The following TDRP variants were observed in gnomAD, a reference collection of about 807,000 sequenced individuals.
The protein encoded by TDRP is testis development-related protein.
In TDRP, 12 loss-of-function variants were observed where a neutral mutation model predicts 10.5. The observed-to-expected ratio is 1.15, with a 90% CI of 0.73 to 1.86. The LOEUF is 1.86. TDRP is among the 40% of genes most tolerant of loss of function. The pLI is 0.00. For missense variants in TDRP, 353 were observed against 229.2 expected, an observed-to-expected ratio of 1.54 and a Z score of -3.49; for synonymous variants, 139 against 95.4, an observed-to-expected ratio of 1.46 and a Z score of -2.67.
intron 1 of TDRP, among the ~76,000 whole-genome samples, chr8:512,388 G>A (rs974040633): frequency 9.9e-5 from 15 of 152,168 alleles, no homozygotes; most frequent in Middle Eastern, 3.4e-3. Context: ...AGCCAAGATC[G>A]TGCTGCTGCA....
intron 1 of TDRP, among the ~76,000 whole-genome samples, chr8:531,345 T>C (rs1209014941): frequency 1.3e-5 from 2 of 152,204 alleles, no homozygotes; most frequent in African/African-American, 2.4e-5. Context: ...ACCATTGTGC[T>C]GACATCAGAC....
At chr8:544,587 AC>A in intron 1 of TDRP, 62 bp downstream of exon 1, 1 of 1,102,924 alleles carries the variant, frequency 9.1e-7, no homozygotes, top group Non-Finnish European at 1.1e-6. Context: ...CGCGCCGCCC[AC>A]CCTCGCCCTC....
intron 1 of TDRP, among the ~76,000 whole-genome samples, chr8:499,187 C>CA (rs918398974): frequency 4.0e-5 from 6 of 151,756 alleles, no homozygotes; most frequent in Non-Finnish European, 5.9e-5. Context: ...AATAAGATGC[C>CA]AAAAAAATAG....
intron 2 of TDRP, among the ~76,000 whole-genome samples, chr8:493,872 T>A (rs1424999767): frequency 4.6e-5 from 7 of 152,106 alleles, no homozygotes; most frequent in African/African-American, 1.4e-4. Context: ...GTTCAATTTA[T>A]AATTCTAAGT....
chr8:490,640 T>A lies in TDRP; in HGVS notation c.*1759A>T, dbSNP rs1800942635. 1 of 152,254 alleles carries A rather than the reference T, an allele frequency of 6.6e-6. No homozygotes were observed. The highest frequency in any genetic ancestry group is 1.5e-5 in the Non-Finnish European group (1 of 68,046). 9.4% of individuals were successfully genotyped at this position (152,254 alleles called of 1,614,324 possible). ...GTCATGAAATGGTGTATGTTTTTAC[T>A]ATCCCAGCAAGCACTTCTCTAGGGA... On this transcript the variant is annotated 3_prime_UTR_variant, in exon 3 of 3. Transcript: ENST00000324079.
intron 1 of TDRP, among the ~76,000 whole-genome samples, chr8:517,393 C>G (rs922082776): frequency 6.6e-6 from 1 of 152,202 alleles, no homozygotes; most frequent in Non-Finnish European, 1.5e-5. Flanking sequence ...AACGAAGCAT[C>G]TGACACCGTT....
At chr8:526,003 G>C (rs1040100214) in intron 1 of TDRP, among the ~76,000 whole-genome samples, 1 of 152,032 alleles carries the variant, frequency 6.6e-6, no homozygotes, top group African/African-American at 2.4e-5. Flanking sequence ...TCAGGTTTTG[G>C]ATTTCTTCAT....
rs1025741475 is a variant in TDRP, at chr8:490,203, G to C, written c.*2196C>G. 5.3e-5 allele frequency: 8 copies of C among 152,004 alleles called. No homozygotes were observed. Among genetic ancestry groups the C allele is most frequent in the African/African-American group, 1.9e-4 (8 of 41,362 alleles). 9.4% of individuals were successfully genotyped at this position (152,004 alleles called of 1,614,324 possible). A position where few individuals can be genotyped will look rare whatever the true frequency, so the allele number is the denominator to read the frequency against. On this transcript the variant is annotated 3_prime_UTR_variant, in exon 3 of 3. Coordinates refer to ENST00000324079, the MANE Select transcript of TDRP (RefSeq NM_001384899.1). The stretch of plus-strand genomic sequence containing the variant: ...AAGAAAAGATAATTTTTCTCCCAAA[G>C]CACACCAATAAATATTTATATTAAA...
chr8:506,268 G>C (rs1801462422), intron 1 of TDRP, among the ~76,000 whole-genome samples: 2 of 152,296 alleles, frequency 1.3e-5, no homozygotes, highest in Admixed American at 1.3e-4. Flanking sequence ...TTAAACATTT[G>C]GTACAAAAGA....
At chr8:510,498 T>C (rs10097922) in intron 1 of TDRP, among the ~76,000 whole-genome samples, 13,096 of 152,044 alleles carry the variant, frequency 0.086, 730 homozygotes, top group Non-Finnish European at 0.12. Context: ...AAATGACCAA[T>C]AGCTTATAAA....
chr8:506,321 G>T (rs1351229733), intron 1 of TDRP, among the ~76,000 whole-genome samples: 1 of 152,154 alleles, frequency 6.6e-6, no homozygotes, highest in Non-Finnish European at 1.5e-5. Flanking sequence ...GGCAGCGGGG[G>T]GAGGGGAGGA....
At chr8:493,929 C>G (rs1801053667) in intron 2 of TDRP, among the ~76,000 whole-genome samples, 1 of 151,418 alleles carries the variant, frequency 6.6e-6, no homozygotes, top group African/African-American at 2.4e-5. Flanking sequence ...CAGAGACCCT[C>G]AGGACCTTTT....
chr8:493,272 C>G (rs1053373516), intron 2 of TDRP, among the ~76,000 whole-genome samples: 5 of 152,378 alleles, frequency 3.3e-5, no homozygotes, highest in African/African-American at 1.2e-4. Flanking sequence ...TCCTAAACTA[C>G]TCTTCACCCT....
At chr8:516,192 G>A (rs1428263990) in intron 1 of TDRP, among the ~76,000 whole-genome samples, 3 of 152,260 alleles carry the variant, frequency 2.0e-5, no homozygotes, top group South Asian at 4.1e-4. Flanking sequence ...AAAACATACA[G>A]GTCTCAGGAG....
chr8:518,009 G>T (rs1801802457), intron 1 of TDRP, among the ~76,000 whole-genome samples: 1 of 152,182 alleles, frequency 6.6e-6, no homozygotes, highest in Non-Finnish European at 1.5e-5. Context: ...TATGGCAGTG[G>T]AACCACCAGG....
chr8:498,926 C>T (rs933034907), intron 1 of TDRP, among the ~76,000 whole-genome samples: 3 of 152,040 alleles, frequency 2.0e-5, no homozygotes, highest in African/African-American at 7.3e-5. Context: ...GTAAGATGTG[C>T]CTTGTTTTCC....
chr8:544,654 G>A lies in TDRP; in HGVS notation c.104C>T (p.Ala35Val). 1 of 1,223,640 alleles carries A rather than the reference G, an allele frequency of 8.2e-7. No homozygotes were observed. Among genetic ancestry groups the A allele is most frequent in the Non-Finnish European group, 1.0e-6 (1 of 982,088 alleles). 75.8% of individuals were successfully genotyped at this position (1,223,640 alleles called of 1,614,324 possible). The change falls in exon 1 of 3, where the codon GCG becomes GTG. Residue 35 changes from alanine (A) to valine (V), a missense_variant. Transcript: ENST00000324079. The part of the protein sequence containing the change: ...PPPAAAAAAQ[A>V]QVQGASFRGW... ...CCCACCTGCGCACCCCCTCACCTGC[G>A]CCTGGGCGGCGGCGGCGGCGGCCGG...
At chr8:533,063 A>AG (rs1442891743) in intron 1 of TDRP, among the ~76,000 whole-genome samples, 1 of 152,228 alleles carries the variant, frequency 6.6e-6, no homozygotes, top group Non-Finnish European at 1.5e-5. Flanking sequence ...GCTGGGACCC[A>AG]GGCCTGCCTC....
Position 542,246 on chromosome 8 carries a change from C to T in TDRP, c.108+2404G>A, listed in dbSNP as rs548520714. 1.1e-3 allele frequency among the ~76,000 whole-genome samples: 162 copies of T among 152,112 alleles called. 1 individual carries two copies. The highest frequency in any genetic ancestry group is 7.3e-3 in the South Asian group (35 of 4,814). On this transcript the variant is annotated intron_variant, in intron 1 of 2. Transcript: ENST00000324079. Reference sequence around the variant, plus strand: ...AAAGATCAATGTTTGCCAGGGGTTCCGGGGAGGGAGGGTGCACAGAGGGTC... The same window carrying T: ...AAAGATCAATGTTTGCCAGGGGTTCTGGGGAGGGAGGGTGCACAGAGGGTC...
Sources: gnomAD v4.1 joint callset for allele counts (sites outside exome capture counted in the v4.1 genomes callset) on GRCh38, gnomAD v4.1.1 for gene constraint, MANE v1.5 for transcripts, NCBI Gene and HGNC (gene_info 2026-07-23, HGNC 2026-07-21) for gene names.